Variants in SRBD1 observed in about 807,000 individuals in gnomAD.
The protein encoded by SRBD1 is S1 RNA binding domain 1, also known as S1 RNA-binding domain-containing protein 1.
In SRBD1, 88 loss-of-function variants were observed where a neutral mutation model predicts 115.3. That is an observed-to-expected ratio of 0.76 (90% confidence interval 0.64 to 0.91). The LOEUF (loss-of-function observed/expected upper bound fraction) is 0.91, where lower values mean the gene tolerates loss of function less well. Ranked by LOEUF, SRBD1 falls within the 40% of genes least tolerant of loss-of-function variation. The pLI, the probability that SRBD1 is intolerant of heterozygous loss-of-function variation, is 0.00. For synonymous variants in SRBD1, 509 were observed against 407.7 expected, an observed-to-expected ratio of 1.25 and a Z score of -2.99; for missense variants, 1,385 against 1,177.4, an observed-to-expected ratio of 1.18 and a Z score of -2.58.
intron 16 of SRBD1, among the ~76,000 whole-genome samples, chr2:45,451,000 T>C (rs923732507): frequency 6.6e-6 from 1 of 152,130 alleles, no homozygotes; most frequent in Non-Finnish European, 1.5e-5. Flanking sequence ...TTGAACGGGA[T>C]CTCTTTTCAT....
At position 45,437,701 on chromosome 2, in the gene SRBD1, C is replaced by A. The variant is rs1668541735; in HGVS notation, c.2050-17807G>T. On this transcript the variant is annotated intron_variant, in intron 16 of 20. Coordinates refer to ENST00000263736, the MANE Select transcript of SRBD1 (RefSeq NM_018079.5). ...CAAGATCGTGCCACTGCACTACAAT[C>A]TGGGCGATAGACTAAGACTCTGTCT... 2.6e-5 allele frequency among the ~76,000 whole-genome samples: 4 copies of A among 152,196 alleles called. No homozygotes were observed. In the South Asian group the frequency reaches 8.3e-4, roughly 31 times the overall value.
At chr2:45,589,663 C>T (rs1440988287) in intron 4 of SRBD1, among the ~76,000 whole-genome samples, 1 of 152,188 alleles carries the variant, frequency 6.6e-6, no homozygotes, top group African/African-American at 2.4e-5. Context: ...TGGGAGTGTA[C>T]AGTGCTGCTT....
At chr2:45,420,045 A>C in intron 16 of SRBD1, 151 bp from the exon 17 acceptor site, 4 of 672,712 alleles carry the variant, frequency 5.9e-6, no homozygotes, top group Non-Finnish European at 1.0e-5. Context: ...AATTAAGCTA[A>C]AGTCAAGGCA....
intron 19 of SRBD1, among the ~76,000 whole-genome samples, chr2:45,411,814 C>A (rs976042609): frequency 6.6e-6 from 1 of 152,072 alleles, no homozygotes; most frequent in African/African-American, 2.4e-5. Flanking sequence ...TGGAATGCAT[C>A]AAAAACATAA....
In SRBD1 at chr2:45,549,696, C is replaced by CAAAAAAAAA. The variant is rs10646755; in HGVS notation, c.1675+1420_1675+1428dup. 4.9e-3 allele frequency among the ~76,000 whole-genome samples: 416 copies of CAAAAAAAAA among 84,506 alleles called. 1 individual carries two copies. Among genetic ancestry groups the CAAAAAAAAA allele is most frequent in the Non-Finnish European group, 6.3e-3 (284 of 45,076 alleles). The allele number at this position is 84,506 out of a possible 152,430, so 55.4% of individuals were successfully genotyped here. On this transcript the variant is annotated intron_variant, in intron 12 of 20. Coordinates refer to ENST00000263736, the MANE Select transcript of SRBD1 (RefSeq NM_018079.5). Reference sequence around the variant, plus strand: ...CGAAACTCCGTCTCTACTAAAAATACAAAAAAAAAAAAAAAAAAAAGGCAG... The same window carrying CAAAAAAAAA: ...CGAAACTCCGTCTCTACTAAAAATACAAAAAAAAAAAAAAAAAAAAAAAAAAAAAGGCAG...
chr2:45,451,026 C>T (rs899952489), intron 16 of SRBD1, among the ~76,000 whole-genome samples: 3 of 152,012 alleles, frequency 2.0e-5, no homozygotes, highest in Admixed American at 1.3e-4. Flanking sequence ...TAACAGTAGA[C>T]GGCCATTTTC....
chr2:45,453,579 T>C (rs1030642035), intron 16 of SRBD1, among the ~76,000 whole-genome samples: 1 of 151,866 alleles, frequency 6.6e-6, no homozygotes, highest in Non-Finnish European at 1.5e-5. Flanking sequence ...ATGTAAAACA[T>C]GTTGAGAGTT....
chr2:45,578,664 T>C (rs1673251080), intron 7 of SRBD1, among the ~76,000 whole-genome samples: 1 of 151,598 alleles, frequency 6.6e-6, no homozygotes, highest in Admixed American at 6.6e-5. Flanking sequence ...TCCCAGCCTA[T>C]GGGATCCACA....
chr2:45,504,414 A>C (rs1020302219), intron 14 of SRBD1, among the ~76,000 whole-genome samples: 2 of 152,130 alleles, frequency 1.3e-5, no homozygotes, highest in African/African-American at 4.8e-5. Flanking sequence ...GAGTCATTGG[A>C]GCTTCTTTCC....
rs190880093 is a variant in SRBD1 at position 45,497,959 on chromosome 2, G to A, written c.1875-9628C>T. On this transcript the variant is annotated intron_variant, in intron 14 of 20. Transcript: ENST00000263736. The stretch of plus-strand genomic sequence containing the variant: ...TGAGGCAGGAGAATCGCTTGAGATC[G>A]CACCACAGCACCCCAGCCTGGGCGA... 2.1e-4 allele frequency among the ~76,000 whole-genome samples: 32 copies of A among 152,082 alleles called. No homozygotes were observed. The East Asian group carries it at 3.9e-3, about 18-fold the overall frequency.
chr2:45,571,517 C>CAAAAA lies in SRBD1; in HGVS notation c.1305+1685_1305+1689dup, dbSNP rs58100763. ...AAAATACAACATATCCAGACTTTAC[C>CAAAAA]AAAAAAAAAAAAAAAAAAAAAAAAA... On this transcript the variant is annotated intron_variant, in intron 9 of 20. Transcript: ENST00000263736. Among the ~76,000 whole-genome samples the CAAAAA allele has an allele frequency of 9.9e-4, 39 of 39,402 alleles. 3 individuals are homozygous for CAAAAA. The highest frequency in any genetic ancestry group is 1.7e-3 in the African/African-American group (19 of 11,164). 25.8% of individuals were successfully genotyped at this position (39,402 alleles called of 152,430 possible).
chr2:45,544,232 C>CAAA (rs777800446), intron 14 of SRBD1, among the ~76,000 whole-genome samples: 5 of 72,250 alleles, frequency 6.9e-5, no homozygotes, highest in African/African-American at 2.6e-4. Context: ...GACTCCGGCT[C>CAAA]AAAAAAAAAA....
intron 14 of SRBD1, among the ~76,000 whole-genome samples, chr2:45,525,186 C>G (rs1368072502): frequency 6.6e-6 from 1 of 151,958 alleles, no homozygotes; most frequent in East Asian, 1.9e-4. Context: ...AACTATTAAA[C>G]TCTTAGAAGA....
intron 4 of SRBD1, among the ~76,000 whole-genome samples, chr2:45,595,940 G>C (rs757476963): frequency 2.2e-4 from 33 of 152,074 alleles, no homozygotes; most frequent in Non-Finnish European, 1.0e-4. Context: ...TCACAGGCAA[G>C]GAGTGCCCAG....
intron 19 of SRBD1, among the ~76,000 whole-genome samples, chr2:45,395,749 T>C (rs1251204663): frequency 6.6e-6 from 1 of 152,176 alleles, no homozygotes; most frequent in Non-Finnish European, 1.5e-5. Context: ...TAGACTGACC[T>C]CTACCTTAAT....
chr2:45,577,394 T>C lies in SRBD1; in HGVS notation c.1072+2481A>G, dbSNP rs182138479. 1.2e-3 allele frequency among the ~76,000 whole-genome samples: 177 copies of C among 152,274 alleles called. No individual in the cohort carries two copies. The Middle Eastern group carries it at 0.027, about 23-fold the overall frequency. On this transcript the variant is annotated intron_variant, in intron 7 of 20. Coordinates refer to ENST00000263736, the MANE Select transcript of SRBD1 (RefSeq NM_018079.5). ...TGGTACACAGAACCAGAAAATCATA[T>C]CCTTTGCCTTACAATGAAATCTTCC... is the stretch of plus-strand genomic sequence containing the variant.
chr2:45,446,377 T>G (rs1668824228), intron 16 of SRBD1, among the ~76,000 whole-genome samples: 1 of 151,016 alleles, frequency 6.6e-6, no homozygotes, highest in Non-Finnish European at 1.5e-5. Flanking sequence ...GAGCAGGGAG[T>G]CCCCTAACCA....
chr2:45,576,568 G>C (rs929295229), intron 7 of SRBD1, among the ~76,000 whole-genome samples: 11 of 152,140 alleles, frequency 7.2e-5, no homozygotes, highest in African/African-American at 2.2e-4. Flanking sequence ...TTTCCTATGA[G>C]GGAATTTTCA....
intron 14 of SRBD1, 78 bp downstream of exon 14, chr2:45,546,654 G>C: frequency 7.4e-7 from 1 of 1,355,520 alleles, no homozygotes; most frequent in Non-Finnish European, 1.1e-6. Context: ...CTTAAAAAGA[G>C]AAGGGAGGAT....
Sources: gnomAD v4.1 joint callset for allele counts (sites outside exome capture counted in the v4.1 genomes callset) on GRCh38, gnomAD v4.1.1 for gene constraint, MANE v1.5 for transcripts, NCBI Gene and HGNC (gene_info 2026-07-23, HGNC 2026-07-21) for gene names.